The following CDK14 variants were observed in gnomAD, a reference collection of about 807,000 sequenced individuals.
The protein encoded by CDK14 is cyclin-dependent kinase 14.
A neutral mutation model predicts 60.7 loss-of-function variants in CDK14; 34 were observed. The ratio of observed to expected loss-of-function variants is 0.56; its 90% CI spans 0.43 to 0.75. The LOEUF (loss-of-function observed/expected upper bound fraction) is 0.75. CDK14 is among the 30% of genes least tolerant of loss of function. The pLI is 0.00. For missense variants in CDK14, 482 were observed against 564.1 expected (o/e 0.85, Z 1.47); for synonymous variants, 197 against 203.7 (o/e 0.97, Z 0.28).
At chr7:91,136,657 T>TA (rs1342448221) in intron 14 of CDK14, among the ~76,000 whole-genome samples, 5 of 152,178 alleles carry the variant, frequency 3.3e-5, no homozygotes, top group African/African-American at 1.2e-4. Flanking sequence ...TTTTGAAAAA[T>TA]ATGTACGTAT....
intron 14 of CDK14, among the ~76,000 whole-genome samples, chr7:91,203,266 T>A (rs572589239): frequency 1.3e-5 from 2 of 152,304 alleles, no homozygotes; most frequent in East Asian, 3.9e-4. Context: ...TCAGTGAATG[T>A]GCCATAGGGA....
rs1799293769 is a variant in CDK14, at chr7:90,600,555, G to A, written c.92-3663G>A. 2.6e-5 allele frequency among the ~76,000 whole-genome samples: 4 copies of A among 152,222 alleles called. No homozygotes were observed. The South Asian group carries it at 8.3e-4, about 31-fold the overall frequency. On this transcript the variant is annotated intron_variant, in intron 1 of 14. Transcript: ENST00000380050. ...TTGTGAGGGAACTAAATAAAAAGAAGAGGCTGTGATTACACTGAACTTTGG... is the reference window on the plus strand; with the variant it reads ...TTGTGAGGGAACTAAATAAAAAGAAAAGGCTGTGATTACACTGAACTTTGG...
At chr7:90,672,502 GTTTTTTTTT>G (rs201978996) in intron 2 of CDK14, among the ~76,000 whole-genome samples, 16 of 49,996 alleles carry the variant, frequency 3.2e-4, no homozygotes, top group African/African-American at 8.0e-4. Context: ...TTCTTCTTCT[GTTTTTTTTT>G]TTTTTTTTTT....
At chr7:90,912,709 G>T (rs1413107014) in intron 7 of CDK14, among the ~76,000 whole-genome samples, 1 of 152,120 alleles carries the variant, frequency 6.6e-6, no homozygotes, top group African/African-American at 2.4e-5. Flanking sequence ...TCGGGCTCAA[G>T]CGATCTTCCC....
chr7:90,635,745 A>G (rs899661479), intron 2 of CDK14, among the ~76,000 whole-genome samples: 3 of 152,062 alleles, frequency 2.0e-5, no homozygotes, highest in Non-Finnish European at 4.4e-5. Context: ...TTTTCACGAT[A>G]TTGATTCTTC....
intron 9 of CDK14, among the ~76,000 whole-genome samples, chr7:90,956,847 G>C (rs915823594): frequency 1.4e-5 from 2 of 146,818 alleles, no homozygotes; most frequent in African/African-American, 5.1e-5. Context: ...TCCCACCTAT[G>C]AGTGAGAATA....
chr7:90,653,338 C>T (rs1281533351), intron 2 of CDK14, among the ~76,000 whole-genome samples: 1 of 151,908 alleles, frequency 6.6e-6, no homozygotes, highest in African/African-American at 2.4e-5. Context: ...CTCTGTGACC[C>T]GTTTTAATTT....
intron 12 of CDK14, among the ~76,000 whole-genome samples, chr7:91,106,322 G>C (rs1384834803): frequency 6.6e-6 from 1 of 152,144 alleles, no homozygotes; most frequent in Non-Finnish European, 1.5e-5. Flanking sequence ...CCTGCATATA[G>C]AATTATTAAA....
chr7:90,831,105 C>A (rs1789897641), intron 5 of CDK14, among the ~76,000 whole-genome samples: 1 of 152,232 alleles, frequency 6.6e-6, no homozygotes, highest in Non-Finnish European at 1.5e-5. Context: ...TCCACATTTT[C>A]AGGTATCTTT....
intron 4 of CDK14, among the ~76,000 whole-genome samples, chr7:90,778,160 G>A (rs1805128775): frequency 6.6e-6 from 1 of 152,174 alleles, no homozygotes; most frequent in African/African-American, 2.4e-5. Context: ...TATGTCTCCA[G>A]TTGGATGTTC....
intron 8 of CDK14, among the ~76,000 whole-genome samples, chr7:90,928,442 G>T (rs1271729747): frequency 9.9e-5 from 15 of 152,198 alleles, no homozygotes; most frequent in Admixed American, 9.2e-4. Context: ...CCTTCTAACA[G>T]TCAGGACCCT....
chr7:90,700,771 C>A lies in CDK14; in HGVS notation c.124-25796C>A, dbSNP rs147703116. On this transcript the variant is annotated intron_variant, in intron 2 of 14. Transcript: ENST00000380050. ...TGCCAATTTTGCCTGATCTGTCATT[C>A]TGAGGCCTTCTCAACTTGAACTCCC... 3.9e-5 allele frequency among the ~76,000 whole-genome samples: 6 copies of A among 152,250 alleles called. No individual in the cohort carries two copies. In the East Asian group the frequency reaches 1.2e-3, roughly 29 times the overall value.
At chr7:91,136,552 G>A (rs1427412678) in intron 14 of CDK14, among the ~76,000 whole-genome samples, 1 of 152,150 alleles carries the variant, frequency 6.6e-6, no homozygotes, top group Non-Finnish European at 1.5e-5. Context: ...CTTTAAAAAT[G>A]TGATATCTTA....
At chr7:90,853,202 G>C (rs1431812483) in intron 5 of CDK14, among the ~76,000 whole-genome samples, 1 of 152,008 alleles carries the variant, frequency 6.6e-6, no homozygotes, top group Non-Finnish European at 1.5e-5. Flanking sequence ...ATATAATTAC[G>C]ACCTTATCAA....
intron 2 of CDK14, chr7:90,632,712 A>G (rs1452043804): frequency 1.3e-5 from 2 of 152,300 alleles, no homozygotes; most frequent in African/African-American, 4.8e-5. Flanking sequence ...TGTTTTAAAA[A>G]AGGAAAATTA....
At chr7:90,913,088 CCTT>C (rs1169697777) in intron 7 of CDK14, among the ~76,000 whole-genome samples, 3 of 152,052 alleles carry the variant, frequency 2.0e-5, no homozygotes, top group African/African-American at 7.2e-5. Flanking sequence ...CCCTGGTGGC[CCTT>C]CTTGTTCTCA....
chr7:90,676,234 A>G (rs6976601), intron 2 of CDK14, among the ~76,000 whole-genome samples: 60,439 of 151,944 alleles, frequency 0.4, 12,598 homozygotes, highest in East Asian at 0.67. Flanking sequence ...GAACACATTA[A>G]AGCAGGAAAA....
At chr7:90,799,824 G>A (rs1047844188) in intron 5 of CDK14, among the ~76,000 whole-genome samples, 3 of 147,370 alleles carry the variant, frequency 2.0e-5, no homozygotes, top group Non-Finnish European at 4.6e-5. Flanking sequence ...TCATACAGAG[G>A]GTTGTGTTAT....
At chr7:91,119,881 A>G (rs1171097206) in intron 14 of CDK14, among the ~76,000 whole-genome samples, 2 of 152,208 alleles carry the variant, frequency 1.3e-5, no homozygotes, top group African/African-American at 2.4e-5. Flanking sequence ...CCTGTTGAAT[A>G]AAAAGCACAA....
Sources: gnomAD v4.1 joint callset for allele counts (sites outside exome capture counted in the v4.1 genomes callset) on GRCh38, gnomAD v4.1.1 for gene constraint, MANE v1.5 for transcripts, NCBI Gene and HGNC (gene_info 2026-07-23, HGNC 2026-07-21) for gene names.